The following SLC16A10 variants were observed in gnomAD, a reference collection of about 807,000 sequenced individuals.
SLC16A10 encodes solute carrier family 16 member 10.
Under a neutral mutation model 40.0 loss-of-function variants are expected in SLC16A10, and 27 were observed. The ratio of observed to expected loss-of-function variants is 0.67; its 90% confidence interval spans 0.50 to 0.93. The LOEUF is 0.93. Ranked by LOEUF, SLC16A10 falls within the 40% of genes least tolerant of loss-of-function variation. The probability of loss-of-function intolerance (pLI) is 0.00; values close to 1 mark genes in which losing one functional copy is unlikely to be tolerated. For missense variants in SLC16A10, 529 were observed against 658.2 expected, an observed-to-expected ratio of 0.80 and a Z score of 2.15; for synonymous variants, 213 against 249.8, an observed-to-expected ratio of 0.85 and a Z score of 1.39.
At chr6:111,154,275 C>A (rs1772228536) in intron 1 of SLC16A10, among the ~76,000 whole-genome samples, 1 of 152,070 alleles carries the variant, frequency 6.6e-6, no homozygotes, top group African/African-American at 2.4e-5. Context: ...CTTCATTCCG[C>A]AAAGGATTTG....
In SLC16A10 at chr6:111,219,012, A is replaced by G. The variant is rs1464968282; in HGVS notation, c.1285A>G (p.Ile429Val). 3 of 1,614,194 alleles carry G rather than the reference A, an allele frequency of 1.9e-6. No individual in the cohort carries two copies. Among genetic ancestry groups the G allele is most frequent in the South Asian group, 1.1e-5 (1 of 91,090 alleles). Reference sequence around the variant, plus strand: ...TGGATTTCTGCTCGGATTCATGTCTATACCCATGACTGTTGGCCCACCCAT... The same window carrying G: ...TGGATTTCTGCTCGGATTCATGTCTGTACCCATGACTGTTGGCCCACCCAT... The part of the protein sequence containing the change: ...AIGFLLGFMS[I>V]PMTVGPPIAG... Residue 429 changes from isoleucine (I) to valine (V), a missense_variant, in exon 5 of 6, where the codon ATA becomes GTA. Physicochemically the swap from Ile to Val is conservative, Grantham distance 29. Transcript: ENST00000368851.
intron 4 of SLC16A10, among the ~76,000 whole-genome samples, chr6:111,217,208 A>G (rs1285330781): frequency 6.6e-6 from 1 of 152,242 alleles, no homozygotes; most frequent in African/African-American, 2.4e-5. Context: ...CTTTGGGCAC[A>G]TTAACCTCTC....
At chr6:111,132,980 A>C (rs1485066401) in intron 1 of SLC16A10, among the ~76,000 whole-genome samples, 2 of 152,236 alleles carry the variant, frequency 1.3e-5, no homozygotes, top group Non-Finnish European at 2.9e-5. Flanking sequence ...ATCCTGACTC[A>C]AAAGGTTACC....
At chr6:111,135,734 C>T (rs1771866472) in intron 1 of SLC16A10, among the ~76,000 whole-genome samples, 1 of 152,234 alleles carries the variant, frequency 6.6e-6, no homozygotes, top group Admixed American at 6.5e-5. Flanking sequence ...AGCCAGTTCT[C>T]ATACCTGGAT....
At chr6:111,126,234 T>C (rs1471715758) in intron 1 of SLC16A10, among the ~76,000 whole-genome samples, 1 of 152,088 alleles carries the variant, frequency 6.6e-6, no homozygotes, top group African/African-American at 2.4e-5. Context: ...ATTTTTTCCT[T>C]AGTTTTTTTT....
intron 1 of SLC16A10, among the ~76,000 whole-genome samples, chr6:111,093,053 A>T (rs1021213584): frequency 4.5e-4 from 68 of 150,032 alleles, no homozygotes; most frequent in Admixed American, 2.2e-3. Flanking sequence ...AAAAAAAAAA[A>T]AAGAAAAGAA....
At chr6:111,132,307 C>G (rs1771798832) in intron 1 of SLC16A10, among the ~76,000 whole-genome samples, 1 of 152,150 alleles carries the variant, frequency 6.6e-6, no homozygotes, top group South Asian at 2.1e-4. Context: ...TGCCCTATTC[C>G]TTTAAAAGCC....
intron 1 of SLC16A10, among the ~76,000 whole-genome samples, chr6:111,169,697 G>A (rs866919167): frequency 1.3e-5 from 2 of 152,192 alleles, no homozygotes; most frequent in Non-Finnish European, 2.9e-5. Flanking sequence ...AATCAAATGG[G>A]CCTGTTGAAG....
intron 1 of SLC16A10, among the ~76,000 whole-genome samples, chr6:111,088,896 A>C (rs1200159376): frequency 6.6e-6 from 1 of 152,242 alleles, no homozygotes; most frequent in East Asian, 1.9e-4. Flanking sequence ...TCTGCATGAC[A>C]CTTTAACATA....
intron 1 of SLC16A10, among the ~76,000 whole-genome samples, chr6:111,097,897 C>T (rs1422780180): frequency 2.0e-5 from 3 of 152,078 alleles, no homozygotes; most frequent in Admixed American, 1.3e-4. Flanking sequence ...GGATAAAAGT[C>T]CATTGCACCT....
intron 4 of SLC16A10, among the ~76,000 whole-genome samples, chr6:111,207,503 T>C (rs1370038239): frequency 1.3e-5 from 2 of 152,236 alleles, no homozygotes. Context: ...CACACTCTGC[T>C]AAATGCTGAA....
chr6:111,143,751 A>G (rs962539580), intron 1 of SLC16A10, among the ~76,000 whole-genome samples: 3 of 152,196 alleles, frequency 2.0e-5, no homozygotes, highest in African/African-American at 4.8e-5. Flanking sequence ...TGTCTCTGAT[A>G]CAGTAATGGT....
rs1351882068 is a variant in SLC16A10 at position 111,222,330 on chromosome 6, A to T, written c.*95A>T. 1 of 1,446,272 alleles carries T rather than the reference A, an allele frequency of 6.9e-7. No individual in the cohort carries two copies. Among genetic ancestry groups the T allele is most frequent in the Admixed American group, 3.0e-5 (1 of 33,662 alleles). The allele number at this position is 1,446,272 out of a possible 1,614,324, so 89.6% of individuals were successfully genotyped here. On this transcript the variant is annotated 3_prime_UTR_variant, in exon 6 of 6. Coordinates refer to ENST00000368851, the MANE Select transcript of SLC16A10 (RefSeq NM_018593.5). ...AAATTGCAAATTTCATATTTTTTTA[A>T]TCACATCCTAGGAATAGCACAATAA...
chr6:111,088,008 G>A lies in SLC16A10; in HGVS notation c.256G>A (p.Gly86Ser). The A allele has an allele frequency of 6.2e-7, 1 of 1,610,238 alleles. No homozygotes were observed. Among genetic ancestry groups the A allele is most frequent in the Non-Finnish European group, 8.5e-7 (1 of 1,178,320 alleles). ...AAMWCNGSVF[G>S]IQNACGVLFV... ...CATGTGGTGCAACGGGTCGGTGTTC[G>A]GCATCCAGAACGCTTGCGGGGTGCT... The change falls in exon 1 of 6, where the codon GGC becomes AGC. Residue 86 changes from glycine (G) to serine (S), a missense_variant. By Grantham distance (56) the Gly-to-Ser change is moderately conservative (BLOSUM62 0). Transcript: ENST00000368851.
At chr6:111,164,312 T>C (rs531670967) in intron 1 of SLC16A10, among the ~76,000 whole-genome samples, 197 of 152,310 alleles carry the variant, frequency 1.3e-3, no homozygotes, top group African/African-American at 4.6e-3. Flanking sequence ...GGTATAATGG[T>C]AAACCTTAGC....
chr6:111,182,936 A>G (rs1772827979), intron 3 of SLC16A10, among the ~76,000 whole-genome samples: 1 of 152,096 alleles, frequency 6.6e-6, no homozygotes, highest in African/African-American at 2.4e-5. Context: ...CCAGGCTACC[A>G]CGTACCCCTA....
At chr6:111,205,218 T>A (rs572104043) in intron 3 of SLC16A10, among the ~76,000 whole-genome samples, 1 of 152,310 alleles carries the variant, frequency 6.6e-6, no homozygotes, top group East Asian at 1.9e-4. Context: ...TTGGGATACA[T>A]AAATGGGCTT....
At chr6:111,140,368 T>C (rs1771959966) in intron 1 of SLC16A10, among the ~76,000 whole-genome samples, 3 of 151,818 alleles carry the variant, frequency 2.0e-5, no homozygotes, top group Non-Finnish European at 4.4e-5. Context: ...GAGACTGAGC[T>C]GGGAGGATGG....
At chr6:111,116,282 A>G (rs1771485249) in intron 1 of SLC16A10, among the ~76,000 whole-genome samples, 1 of 152,004 alleles carries the variant, frequency 6.6e-6, no homozygotes, top group South Asian at 2.1e-4. Flanking sequence ...CAGTGGCGCA[A>G]TCTCGGCTCA....
Sources: allele counts gnomAD v4.1 joint callset (sites outside exome capture counted in the v4.1 genomes callset), GRCh38; gene constraint gnomAD v4.1.1; transcripts MANE v1.5; gene names NCBI Gene and HGNC (gene_info 2026-07-23, HGNC 2026-07-21).